Variants in HEPH observed in about 807,000 individuals in gnomAD.
HEPH encodes the protein hephaestin.
A neutral mutation model predicts 80.8 loss-of-function variants in HEPH; 69 were observed. That is an observed-to-expected ratio of 0.85 (90% CI 0.70 to 1.04). HEPH has a LOEUF of 1.04. Ranked by LOEUF, HEPH falls within the 50% of genes least tolerant of loss-of-function variation. HEPH has a pLI of 0.00. For synonymous variants in HEPH, 431 were observed against 322.8 expected, an observed-to-expected ratio of 1.34 and a Z score of -3.60; for missense variants, 1,115 against 891.3, an observed-to-expected ratio of 1.25 and a Z score of -3.20.
intron 15 of HEPH, among the ~76,000 whole-genome samples, chrX:66,237,762 T>A (rs2090420494): frequency 8.9e-6 from 1 of 112,366 alleles, no homozygotes; most frequent in Non-Finnish European, 1.9e-5. Context: ...TCTAAAAGTA[T>A]CTTTGAAGGT....
chrX:66,163,614 C>T (rs1378764368), upstream of HEPH, among the ~76,000 whole-genome samples: 1 of 110,859 alleles, frequency 9.0e-6, no homozygotes, highest in Non-Finnish European at 1.9e-5. Flanking sequence ...TCCCTTCTAC[C>T]CCCTTGAAAG....
At position 66,198,872 on chromosome X, in the gene HEPH, C is replaced by G. The variant is rs2088258906; in HGVS notation, c.1714-6C>G. The G allele has an allele frequency of 1.7e-6, 2 of 1,182,954 alleles. No homozygotes were observed. Among genetic ancestry groups the G allele is most frequent in the Non-Finnish European group, 2.3e-6 (2 of 869,943 alleles). ...TTCCCTCTACTTTCTTCTATTGGGC[C>G]TGCAGAAAGGGGTGGATAAAGAATT... is the stretch of plus-strand genomic sequence containing the variant. On this transcript the variant is annotated splice_polypyrimidine_tract_variant and splice_region_variant and intron_variant, in intron 10 of 20. Coordinates refer to ENST00000343002, the MANE Select transcript of HEPH (RefSeq NM_001367233.3).
At chrX:66,244,687 C>T (rs1244423325) in intron 15 of HEPH, among the ~76,000 whole-genome samples, 1 of 111,435 alleles carries the variant, frequency 9.0e-6, no homozygotes, top group African/African-American at 3.3e-5. Context: ...AGAACCATGG[C>T]TGGATAACTA....
intron 1 of HEPH, among the ~76,000 whole-genome samples, chrX:66,168,338 G>A (rs899964053): frequency 1.8e-5 from 2 of 112,115 alleles, no homozygotes; most frequent in Non-Finnish European, 3.8e-5. Flanking sequence ...AGTTACTACT[G>A]CCTACTATGT....
intron 1 of HEPH, among the ~76,000 whole-genome samples, chrX:66,165,094 T>C (rs2086298298): frequency 8.9e-6 from 1 of 112,043 alleles, no homozygotes; most frequent in African/African-American, 3.2e-5. Flanking sequence ...GTTTCATGCA[T>C]GTGTGAATCT....
intron 4 of HEPH, among the ~76,000 whole-genome samples, chrX:66,178,138 C>T (rs1303979623): frequency 9.0e-6 from 1 of 111,074 alleles, no homozygotes; most frequent in Non-Finnish European, 1.9e-5. Context: ...TGTTCCCTTT[C>T]CTGTGTCCAA....
At chrX:66,241,247 C>A (rs772363010) in intron 15 of HEPH, among the ~76,000 whole-genome samples, 2 of 111,760 alleles carry the variant, frequency 1.8e-5, no homozygotes, top group Non-Finnish European at 3.8e-5. Context: ...AGGATCAAAT[C>A]TCCACATATC....
intron 1 of HEPH, among the ~76,000 whole-genome samples, chrX:66,166,264 G>T (rs191467781): frequency 0.016 from 1,753 of 111,323 alleles, 24 homozygotes; most frequent in Non-Finnish European, 0.021. Context: ...TGCGATTTCG[G>T]CTCACCACAA....
chrX:66,165,278 A>G (rs1040264613), intron 1 of HEPH, among the ~76,000 whole-genome samples: 1 of 112,225 alleles, frequency 8.9e-6, no homozygotes, highest in African/African-American at 3.2e-5. Context: ...GAAAGGTCAC[A>G]TAGCTATCAC....
At position 66,259,621 on chromosome X, in the gene HEPH, C is replaced by A. The variant is rs767919582; in HGVS notation, c.3037-479C>A. On this transcript the variant is annotated intron_variant, in intron 18 of 20. Coordinates refer to ENST00000343002, the MANE Select transcript of HEPH (RefSeq NM_001367233.3). ...AACCTTCTAAAGTAACCTAGAAATTCTTTTTCTTTGGGACATTTTAAGAGG... is the reference window on the plus strand; with the variant it reads ...AACCTTCTAAAGTAACCTAGAAATTATTTTTCTTTGGGACATTTTAAGAGG... 4.5e-5 allele frequency among the ~76,000 whole-genome samples: 5 copies of A among 110,705 alleles called. No individual in the cohort carries two copies. The South Asian group carries it at 1.5e-3, about 34-fold the overall frequency.
At chrX:66,207,129 T>G in intron 13 of HEPH, 66 bp from the exon 14 acceptor site, 1 of 1,009,946 alleles carries the variant, frequency 9.9e-7, no homozygotes, top group Non-Finnish European at 1.3e-6. Flanking sequence ...AGCTTCCCCA[T>G]AAATACTCAA....
intron 15 of HEPH, among the ~76,000 whole-genome samples, chrX:66,235,349 A>G (rs768561467): frequency 2.7e-5 from 3 of 111,985 alleles, no homozygotes; most frequent in Non-Finnish European, 5.6e-5. Flanking sequence ...TTAAGTCTTT[A>G]ATCCATATTG....
downstream of HEPH, chrX:66,268,371 C>T (rs1271318899): frequency 2.7e-5 from 3 of 111,976 alleles, no homozygotes; most frequent in Non-Finnish European, 5.6e-5. Context: ...GCTATGATTC[C>T]TCTTGTTTTT....
intron 18 of HEPH, 147 bp downstream of exon 18, chrX:66,259,126 G>T: frequency 1.6e-6 from 1 of 624,765 alleles, no homozygotes; most frequent in South Asian, 4.7e-5. Flanking sequence ...GGAAATTCTA[G>T]TCTGGCTGTA....
intron 15 of HEPH, among the ~76,000 whole-genome samples, chrX:66,220,432 G>A (rs921276766): frequency 9.0e-6 from 1 of 110,973 alleles, no homozygotes; most frequent in African/African-American, 3.3e-5. Flanking sequence ...TTTCCAGCAA[G>A]GATCAAGGGG....
At chrX:66,268,303 C>T (rs991883437), downstream of HEPH, 8 of 112,328 alleles carry the variant, frequency 7.1e-5, no homozygotes, top group Admixed American at 2.8e-4. Context: ...AATGTAGAAA[C>T]TCACAGAGCT....
intron 13 of HEPH, among the ~76,000 whole-genome samples, chrX:66,206,310 G>A (rs1479211550): frequency 2.5e-5 from 2 of 79,550 alleles, no homozygotes; most frequent in African/African-American, 9.1e-5. Flanking sequence ...ATTTGTATTT[G>A]GATGATGGCA....
At chrX:66,259,304 G>A in intron 18 of HEPH, among the ~76,000 whole-genome samples, 1 of 111,650 alleles carries the variant, frequency 9.0e-6, no homozygotes, top group Middle Eastern at 4.7e-3. Context: ...ATTTCAGAGT[G>A]GCATCTCAGA....
At chrX:66,255,254 G>A (rs1375877235) in intron 16 of HEPH, 113 bp downstream of exon 16, 6 of 431,172 alleles carry the variant, frequency 1.4e-5, no homozygotes, top group Non-Finnish European at 2.4e-5. Context: ...AGAATTTGGG[G>A]AACATTCTTC....
Sources: allele counts gnomAD v4.1 joint callset (sites outside exome capture counted in the v4.1 genomes callset), GRCh38; gene constraint gnomAD v4.1.1; transcripts MANE v1.5; gene names NCBI Gene and HGNC (gene_info 2026-07-23, HGNC 2026-07-21).